The following RAB38 variants were observed in gnomAD, a reference collection of about 807,000 sequenced individuals.
The protein encoded by RAB38 is RAB38, member RAS oncogene family, also known as ras-related protein Rab-38.
Under a neutral mutation model 18.4 loss-of-function variants are expected in RAB38, and 15 were observed. That is an observed-to-expected ratio of 0.82 (90% CI 0.55 to 1.26). The LOEUF (loss-of-function observed/expected upper bound fraction) is 1.26. Ranked by LOEUF, RAB38 falls within the 50% of genes most tolerant of loss-of-function variation. RAB38 has a pLI of 0.00. For synonymous variants in RAB38, 101 were observed against 104.4 expected (o/e 0.97, Z 0.20); for missense variants, 294 against 267.4 (o/e 1.10, Z -0.69).
At chr11:87,813,414 T>G in the RAB38 span, among the ~76,000 whole-genome samples, 1 of 151,472 alleles carries the variant, frequency 6.6e-6, no homozygotes, top group African/African-American at 2.4e-5. Flanking sequence ...ACAGGGAAAG[T>G]AGAGAAAAAT....
the RAB38 span, among the ~76,000 whole-genome samples, chr11:88,044,958 C>T: frequency 6.6e-6 from 1 of 152,204 alleles, no homozygotes; most frequent in Non-Finnish European, 1.5e-5. Context: ...TAGCCCTCCC[C>T]CACCTGCCCA....
chr11:87,901,659 G>A, the RAB38 span, among the ~76,000 whole-genome samples: 4 of 151,548 alleles, frequency 2.6e-5, no homozygotes, highest in Non-Finnish European at 5.9e-5. Context: ...TCTAAGCCAG[G>A]AGCAAATCCC....
intron 1 of RAB38, among the ~76,000 whole-genome samples, chr11:88,174,544 C>T (rs9666728): frequency 0.45 from 64,341 of 143,896 alleles, 13,915 homozygotes; most frequent in African/African-American, 0.49. Flanking sequence ...GATAGAAATA[C>T]AGAAAGAGAG....
At chr11:88,110,160 C>T (rs977581384), downstream of RAB38, among the ~76,000 whole-genome samples, 7 of 152,150 alleles carry the variant, frequency 4.6e-5, no homozygotes, top group Admixed American at 2.0e-4. Flanking sequence ...AAATGTGGCA[C>T]ATATATACCA....
the RAB38 span, among the ~76,000 whole-genome samples, chr11:88,018,778 C>A: frequency 6.6e-6 from 1 of 152,142 alleles, no homozygotes; most frequent in African/African-American, 2.4e-5. Context: ...AATGTAAATG[C>A]TAAATAGTTG....
At chr11:88,038,083 T>C in the RAB38 span, among the ~76,000 whole-genome samples, 4 of 152,188 alleles carry the variant, frequency 2.6e-5, no homozygotes, top group Non-Finnish European at 1.5e-5. Context: ...ATTATATTAA[T>C]GGCATTTTTT....
At chr11:87,842,308 C>G in the RAB38 span, among the ~76,000 whole-genome samples, 6 of 152,138 alleles carry the variant, frequency 3.9e-5, no homozygotes, top group Admixed American at 2.6e-4. Flanking sequence ...CACTGAGAGA[C>G]AAAAGGATAA....
intron 2 of RAB38, among the ~76,000 whole-genome samples, chr11:88,136,301 G>A (rs1218793263): frequency 1.3e-5 from 2 of 152,162 alleles, no homozygotes; most frequent in Non-Finnish European, 2.9e-5. Flanking sequence ...CAGTGAAGTA[G>A]ATGGAGATGA....
At chr11:87,835,872 C>T in the RAB38 span, among the ~76,000 whole-genome samples, 1 of 152,162 alleles carries the variant, frequency 6.6e-6, no homozygotes, top group Admixed American at 6.5e-5. Context: ...CAAACTAATA[C>T]AAATATGAAG....
chr11:87,931,193 T>G, the RAB38 span, among the ~76,000 whole-genome samples: 1 of 152,134 alleles, frequency 6.6e-6, no homozygotes, highest in Non-Finnish European at 1.5e-5. Context: ...TTCCTACCCA[T>G]GAGCATGGAA....
At chr11:87,935,003 C>A in the RAB38 span, among the ~76,000 whole-genome samples, 1 of 151,968 alleles carries the variant, frequency 6.6e-6, no homozygotes, top group South Asian at 2.1e-4. Context: ...CGGTGTAGAG[C>A]CCTTGCCAGG....
At chr11:88,029,168 C>A in the RAB38 span, among the ~76,000 whole-genome samples, 672 of 152,044 alleles carry the variant, frequency 4.4e-3, 2 homozygotes, top group African/African-American at 0.015. Context: ...ACTTTACAGA[C>A]AAGCAAATGC....
the RAB38 span, among the ~76,000 whole-genome samples, chr11:88,016,551 C>T: frequency 1.3e-5 from 2 of 152,060 alleles, no homozygotes; most frequent in African/African-American, 4.8e-5. Flanking sequence ...CATCTTGCTT[C>T]CTAACAGACC....
the RAB38 span, among the ~76,000 whole-genome samples, chr11:87,825,234 A>G: frequency 6.6e-6 from 1 of 152,178 alleles, no homozygotes; most frequent in Non-Finnish European, 1.5e-5. Context: ...CAATCAGAAT[A>G]TTAGTGAAAA....
the RAB38 span, among the ~76,000 whole-genome samples, chr11:88,022,290 CA>C: frequency 1.3e-5 from 2 of 150,298 alleles, no homozygotes; most frequent in East Asian, 1.9e-4. Context: ...ACTAATTTAA[CA>C]TCACTTTATG....
At chr11:87,824,440 A>T in the RAB38 span, among the ~76,000 whole-genome samples, 1 of 152,212 alleles carries the variant, frequency 6.6e-6, no homozygotes, top group Non-Finnish European at 1.5e-5. Flanking sequence ...ACAGGTACTA[A>T]AATAAAAGTC....
chr11:88,174,620 C>CAAAAAAAAAAAAAAAAAAAA (rs60026669), intron 1 of RAB38, among the ~76,000 whole-genome samples: 9 of 101,124 alleles, frequency 8.9e-5, no homozygotes, highest in African/African-American at 2.3e-4. Flanking sequence ...AAGCAAAAAG[C>CAAAAAAAAAAAAAAAAAAAA]AAAAAAAAAA....
At chr11:87,935,208 T>A in the RAB38 span, among the ~76,000 whole-genome samples, 1 of 152,100 alleles carries the variant, frequency 6.6e-6, no homozygotes, top group African/African-American at 2.4e-5. Flanking sequence ...TCCTCAGTCA[T>A]TTCATCCATG....
the RAB38 span, among the ~76,000 whole-genome samples, chr11:87,857,625 A>T: frequency 2.6e-5 from 4 of 151,804 alleles, no homozygotes; most frequent in East Asian, 1.9e-4. Context: ...TGATGATGAG[A>T]ATTTTTTCAT....
Sources: allele counts gnomAD v4.1 joint callset (sites outside exome capture counted in the v4.1 genomes callset), GRCh38; gene constraint gnomAD v4.1.1; transcripts MANE v1.5; gene names NCBI Gene and HGNC (gene_info 2026-07-23, HGNC 2026-07-21).